The following CLUH variants were observed in gnomAD, a reference collection of about 807,000 sequenced individuals.
CLUH encodes CLUH binding protein of NUMT mRNA.
A neutral mutation model predicts 139.3 loss-of-function variants in CLUH; 77 were observed. The observed-to-expected ratio is 0.55, with a 90% CI of 0.46 to 0.67. CLUH has a LOEUF of 0.67. Ranked by LOEUF, CLUH falls within the 30% of genes least tolerant of loss-of-function variation. CLUH has a pLI of 0.00. For missense variants in CLUH, 1,876 were observed against 1,875.8 expected, an observed-to-expected ratio of 1.00 and a Z score of 0.00; for synonymous variants, 999 against 801.6, an observed-to-expected ratio of 1.25 and a Z score of -4.16.
rs2070305352 is a variant in CLUH, at chr17:2,704,866, C to T, written c.101-302G>A. Reference sequence around the variant, plus strand: ...AGCCAAGCCCGAGGGTCTCCTCCGGCCCTAACACACCTAGCTTCCCAGCAG... The same window carrying T: ...AGCCAAGCCCGAGGGTCTCCTCCGGTCCTAACACACCTAGCTTCCCAGCAG... On this transcript the variant is annotated intron_variant, in intron 1 of 25. Transcript: ENST00000651024. The surrounding 1 kb of genome is among the most constrained non-coding windows in gnomAD (Gnocchi z 5.7). 6.6e-6 allele frequency among the ~76,000 whole-genome samples: 1 copy of T among 152,144 alleles called. No individual in the cohort carries two copies. The highest frequency in any genetic ancestry group is 1.5e-5 in the Non-Finnish European group (1 of 68,016).
rs762344270 is a variant in CLUH, at chr17:2,698,237, G to A, written c.1620C>T (p.Tyr540=). The change falls in exon 10 of 26, where the codon TAC becomes TAT. Residue 540 remains tyrosine (Y), a synonymous_variant. Transcript: ENST00000651024. ...LERDQEQSVI[Y]GSIDFGKTVV... ...CGGTCTTGCCGAAGTCGATGGAGCC[G>A]TAGATGACGCTCTGCTCCTGGTCCC... 62 of 1,598,764 alleles carry A rather than the reference G, an allele frequency of 3.9e-5. No homozygotes were observed. Among genetic ancestry groups the A allele is most frequent in the South Asian group, 3.4e-4 (30 of 88,712 alleles).
chr17:2,694,558 G>C lies in CLUH; in HGVS notation c.2859C>G (p.Thr953=). 3 of 1,575,678 alleles carry C rather than the reference G, an allele frequency of 1.9e-6. No individual in the cohort carries two copies. The highest frequency in any genetic ancestry group is 2.6e-6 in the Non-Finnish European group (3 of 1,160,908). Residue 953 remains threonine (T), a synonymous_variant, in exon 17 of 26, where the codon ACC becomes ACG. Transcript: ENST00000651024. ...NYFDFDLECE[T]VDQAVETYGL... ...CGTAGGTCTCCACAGCCTGGTCCACGGTCTCACTGAGGAGGGAGCAGGGGG... is the reference window on the plus strand; with the variant it reads ...CGTAGGTCTCCACAGCCTGGTCCACCGTCTCACTGAGGAGGGAGCAGGGGG...
chr17:2,694,697 C>G lies in CLUH; in HGVS notation c.2853-133G>C, dbSNP rs1185320276. ...CACCCGGCCCCCGGGAGCCTCCCGG[C>G]TGCCCTCACCCTCCAGCACCCAGTG... On this transcript the variant is annotated intron_variant, in intron 16 of 25. Coordinates refer to ENST00000651024, the MANE Select transcript of CLUH (RefSeq NM_001366661.1). 6.8e-6 allele frequency: 9 copies of G among 1,327,320 alleles called. No individual in the cohort carries two copies. The Admixed American group carries it at 7.3e-5, about 11-fold the overall frequency. 82.2% of individuals were successfully genotyped at this position (1,327,320 alleles called of 1,614,324 possible).
In CLUH at chr17:2,703,625, T is replaced by C. The variant is rs966329042; in HGVS notation, c.304-136A>G. ...TTGTCCCCAGCCCAAAGTACCTTGGTCCCCAGAATAAATGCCCCAAATACT... is the reference window on the plus strand; with the variant it reads ...TTGTCCCCAGCCCAAAGTACCTTGGCCCCCAGAATAAATGCCCCAAATACT... On this transcript the variant is annotated intron_variant, in intron 2 of 25. Coordinates refer to ENST00000651024, the MANE Select transcript of CLUH (RefSeq NM_001366661.1). This position sits in a 1 kb window ranked among gnomAD's most constrained non-coding sequence, Gnocchi z 4.2. 9 of 796,084 alleles carry C rather than the reference T, an allele frequency of 1.1e-5. No individual in the cohort carries two copies. The African/African-American group carries it at 1.4e-4, about 12-fold the overall frequency. The allele number at this position is 796,084 out of a possible 1,614,324, so 49.3% of individuals were successfully genotyped here. A position where few individuals can be genotyped will look rare whatever the true frequency, so the allele number is the denominator to read the frequency against.
In CLUH at chr17:2,694,187, G is replaced by A. The variant is rs776116937; in HGVS notation, c.3027C>T (p.His1009=). 5.6e-6 allele frequency: 9 copies of A among 1,613,280 alleles called. No individual in the cohort carries two copies. Among genetic ancestry groups the A allele is most frequent in the South Asian group, 1.1e-5 (1 of 90,980 alleles). ...DVLNIFPVVK[H]VNPKASDAFH... ...AGGCATCCGAGGCCTTGGGGTTGAC[G>A]TGCTTGACCACGGGGAAGATGTTGA... The change falls in exon 18 of 26, where the codon CAC becomes CAT. Residue 1009 remains histidine (H), a synonymous_variant. Transcript: ENST00000651024.
Position 2,690,471 on chromosome 17 carries a change from GT to G in CLUH, c.*122del, listed in dbSNP as rs2069577608. On this transcript the variant is annotated 3_prime_UTR_variant, in exon 26 of 26. Transcript: ENST00000651024. ...GCTCCCAGGAGGACACGGGGGTGGG[GT>G]GGGGTGAGACGTGGAGGAAGAGGGC... is the stretch of plus-strand genomic sequence containing the variant. 1.2e-6 allele frequency: 1 copy of G among 857,246 alleles called. No homozygotes were observed. Among genetic ancestry groups the G allele is most frequent in the Non-Finnish European group, 1.6e-6 (1 of 611,568 alleles). 53.1% of individuals were successfully genotyped at this position (857,246 alleles called of 1,614,324 possible).
intron 9 of CLUH, 84 bp downstream of exon 9, chr17:2,700,298 C>T (rs1177443772): frequency 1.5e-6 from 2 of 1,347,404 alleles, no homozygotes; most frequent in Admixed American, 2.1e-5. Context: ...CCCTGCCTCC[C>T]TTGCTTTCCT....
At chr17:2,697,866 C>T (rs1295194421) in intron 10 of CLUH, 30 bp downstream of exon 10, 18 of 1,450,524 alleles carry the variant, frequency 1.2e-5, no homozygotes, top group Admixed American at 2.6e-5. Flanking sequence ...CAGCTGGCCC[C>T]GGCCCTGGTC....
Position 2,691,893 on chromosome 17 carries a change from C to T in CLUH, c.3657G>A (p.Leu1219=), listed in dbSNP as rs1319678350. 2 of 1,535,186 alleles carry T rather than the reference C, an allele frequency of 1.3e-6. No homozygotes were observed. The highest frequency in any genetic ancestry group is 2.5e-5 in the East Asian group (1 of 40,556). ...CCTTGGTCTTCTCATGGTCCTCGCC[C>T]AGCTGCGGGGAGGCGGGAAGGGATC... ...KEGYTIYKTQ[L]GEDHEKTKES... is the part of the protein sequence containing the mutation. Residue 1219 remains leucine (L), a splice_region_variant and synonymous_variant, in exon 24 of 26, where the codon CTG becomes CTA. Coordinates refer to ENST00000651024, the MANE Select transcript of CLUH (RefSeq NM_001366661.1).
intron 10 of CLUH, 110 bp from the exon 11 acceptor site, chr17:2,697,052 C>G (rs1408747008): frequency 1.2e-6 from 1 of 807,504 alleles, no homozygotes; most frequent in Non-Finnish European, 1.9e-6. Context: ...CATAGGGCAC[C>G]TCCTGGCCGG....
chr17:2,701,380 G>T lies in CLUH; in HGVS notation c.885C>A (p.Gly295=). 6.2e-7 allele frequency: 1 copy of T among 1,608,024 alleles called. No homozygotes were observed. Among genetic ancestry groups the T allele is most frequent in the East Asian group, 2.2e-5 (1 of 44,590 alleles). Residue 295 remains glycine (G), a synonymous_variant, in exon 6 of 26, where the codon GGC becomes GGA. Transcript: ENST00000651024. ...RQVSITASTR[G]FYLNQSTAYH... is the part of the protein sequence containing the mutation. ...CAGGGACTCACTGATTCAGGTAAAA[G>T]CCCCGTGTGGACGCGGTGATGCTGA...
chr17:2,705,064 C>T (rs2070312203), intron 1 of CLUH, among the ~76,000 whole-genome samples: 1 of 151,940 alleles, frequency 6.6e-6, no homozygotes, highest in African/African-American at 2.4e-5. Context: ...CTCCCATACA[C>T]TCCTGCCCCG....
rs2070260071 is a variant in CLUH, at chr17:2,703,751, C to T, written c.304-262G>A. Among the ~76,000 whole-genome samples the T allele has an allele frequency of 6.6e-6, 1 of 152,156 alleles. No homozygotes were observed. The highest frequency in any genetic ancestry group is 2.1e-4 in the South Asian group (1 of 4,826). ...CTGGAGCCTGGCCCACCGACTCGGC[C>T]TGCAGACCCAGAGCAATGCCCGAGC... On this transcript the variant is annotated intron_variant, in intron 2 of 25. Transcript: ENST00000651024. The surrounding 1 kb of genome is among the most constrained non-coding windows in gnomAD (Gnocchi z 4.2).
Position 2,707,407 on chromosome 17 carries a change from G to C in CLUH, c.101-2843C>G. 1.0e-6 allele frequency: 1 copy of C among 985,396 alleles called. No homozygotes were observed. 61.0% of individuals were successfully genotyped at this position (985,396 alleles called of 1,614,324 possible). A position where few individuals can be genotyped will look rare whatever the true frequency, so the allele number is the denominator to read the frequency against. ...GCCCCAGGAAGGGCACACTCCCCCT[G>C]CCTGGCATCCCGCTCAAGGTCGGCC... On this transcript the variant is annotated intron_variant, in intron 1 of 25. Transcript: ENST00000651024. The surrounding 1 kb of genome is among the most constrained non-coding windows in gnomAD (Gnocchi z 7.4).
At chr17:2,698,694 C>T in intron 9 of CLUH, 104 bp from the exon 10 acceptor site, 3 of 1,086,192 alleles carry the variant, frequency 2.8e-6, no homozygotes, top group South Asian at 3.4e-5. Flanking sequence ...CCGGGCCTGC[C>T]TTGGAAACCC....
chr17:2,710,928 C>T (rs2070497015), intron 1 of CLUH: 1 of 152,528 alleles, frequency 6.6e-6, no homozygotes, highest in East Asian at 1.9e-4. Context: ...GCAGACGCCC[C>T]CTACACCAGG....
intron 14 of CLUH, 33 bp from the exon 15 acceptor site, chr17:2,695,313 G>GC: frequency 1.2e-6 from 2 of 1,613,506 alleles, no homozygotes. Context: ...TCTTGGTCAG[G>GC]CCCCCGGCCT....
At position 2,698,175 on chromosome 17, in the gene CLUH, C is replaced by A. The variant is rs554152603; in HGVS notation, c.1682G>T (p.Arg561Leu). Residue 561 changes from arginine (R) to leucine (L), a missense_variant, in exon 10 of 26, where the codon CGC becomes CTC. By Grantham distance (102) the Arg-to-Leu change is moderately radical. Transcript: ENST00000651024. Reference protein sequence around the residue: ...SHPRYLELLERTSRPLKILRH... With the variant: ...SHPRYLELLELTSRPLKILRH... ...CAGGATCTTGAGGGGCCGACTCGTG[C>A]GCTCCAGCAGCTCCAGGTACCGCGG... 5.1e-6 allele frequency: 8 copies of A among 1,574,810 alleles called. No individual in the cohort carries two copies. The highest frequency in any genetic ancestry group is 6.9e-6 in the Non-Finnish European group (8 of 1,161,322).
In CLUH at chr17:2,696,546, G is replaced by C; in HGVS notation, c.2186-8C>G. ...CCCGGCTCCGAGGGTCTGCTGTGGA[G>C]ACATGGCTCCATGAGACACGGGTCC... is the stretch of plus-strand genomic sequence containing the variant. On this transcript the variant is annotated splice_region_variant and splice_polypyrimidine_tract_variant and intron_variant, in intron 11 of 25. Coordinates refer to ENST00000651024, the MANE Select transcript of CLUH (RefSeq NM_001366661.1). 3 of 1,561,992 alleles carry C rather than the reference G, an allele frequency of 1.9e-6. No individual in the cohort carries two copies. The highest frequency in any genetic ancestry group is 2.6e-6 in the Non-Finnish European group (3 of 1,157,830).
Sources: gnomAD v4.1 joint callset for allele counts (sites outside exome capture counted in the v4.1 genomes callset) on GRCh38, gnomAD v4.1.1 for gene constraint, Gnocchi (gnomAD v3.1) non-coding constraint, MANE v1.5 for transcripts, NCBI Gene and HGNC (gene_info 2026-07-23, HGNC 2026-07-21) for gene names.